Variants in INO80 observed in about 807,000 individuals in gnomAD.
The protein encoded by INO80 is INO80 complex ATPase subunit, also known as chromatin-remodeling ATPase INO80.
Under a neutral mutation model 203.4 loss-of-function variants are expected in INO80, and 20 were observed. The observed-to-expected ratio is 0.10, with a 90% confidence interval of 0.07 to 0.14. The LOEUF is 0.14. Ranked by LOEUF, INO80 falls within the 10% of genes least tolerant of loss-of-function variation. INO80 has a pLI of 1.00. For synonymous variants in INO80, 726 were observed against 685.2 expected (o/e 1.06, Z -0.93); for missense variants, 1,419 against 1,914.4 (o/e 0.74, Z 4.83).
chr15:41,003,789 T>G (rs1408505768), intron 28 of INO80, among the ~76,000 whole-genome samples: 1 of 152,206 alleles, frequency 6.6e-6, no homozygotes, highest in African/African-American at 2.4e-5. Flanking sequence ...AAAAACAGTA[T>G]CAGGTGAAAT....
intron 1 of INO80, among the ~76,000 whole-genome samples, chr15:41,101,003 T>A (rs1310061377): frequency 6.6e-5 from 10 of 151,982 alleles, no homozygotes; most frequent in Admixed American, 6.6e-4. Context: ...CTAATTTTTG[T>A]ATTTTTAGTA....
chr15:41,093,368 T>G (rs1011712498), intron 4 of INO80, among the ~76,000 whole-genome samples: 3 of 151,684 alleles, frequency 2.0e-5, no homozygotes, highest in Non-Finnish European at 4.4e-5. Flanking sequence ...GAGGTTGCAG[T>G]GAGCTGAGAT....
rs145418853 is a variant in INO80 at position 41,102,673 on chromosome 15, G to GAA, written c.-43-6322_-43-6321dup. Among the ~76,000 whole-genome samples the GAA allele has an allele frequency of 2.8e-3, 412 of 148,562 alleles. 2 individuals carry two copies. Among genetic ancestry groups the GAA allele is most frequent in the South Asian group, 0.013 (62 of 4,686 alleles). On this transcript the variant is annotated intron_variant, in intron 1 of 35. Coordinates refer to ENST00000648947, the MANE Select transcript of INO80 (RefSeq NM_017553.3). ...GCAACAGAGCAAGACTGTCTCAAAG[G>GAA]AAAAAAAAAGGGTGTATTATAAAAT...
intron 1 of INO80, among the ~76,000 whole-genome samples, chr15:41,101,323 T>C (rs777165005): frequency 6.6e-6 from 1 of 152,164 alleles, no homozygotes; most frequent in Non-Finnish European, 1.5e-5. Flanking sequence ...ACTTGATAAT[T>C]CTCAATAACC....
chr15:41,016,431 T>G (rs998857010), intron 26 of INO80, among the ~76,000 whole-genome samples: 13 of 152,188 alleles, frequency 8.5e-5, no homozygotes, highest in Admixed American at 1.3e-4. Context: ...AAGTGCAGAT[T>G]CCCTGATCAC....
In INO80 at chr15:41,005,703, A is replaced by G. The variant is rs773762390; in HGVS notation, c.3403-16T>C. 3 of 1,384,158 alleles carry G rather than the reference A, an allele frequency of 2.2e-6. No homozygotes were observed. In the South Asian group the frequency reaches 3.5e-5, roughly 16 times the overall value. 85.7% of individuals were successfully genotyped at this position (1,384,158 alleles called of 1,614,324 possible). A position where few individuals can be genotyped will look rare whatever the true frequency, so the allele number is the denominator to read the frequency against. On this transcript the variant is annotated splice_polypyrimidine_tract_variant and intron_variant, in intron 27 of 35. Transcript: ENST00000648947. ...CCATGTATTCCTGCCAACCAGGATA[A>G]AAGGACACAGTAAATCTGATGCAAA...
chr15:41,016,633 T>C (rs116474452), intron 26 of INO80, among the ~76,000 whole-genome samples: 96 of 152,352 alleles, frequency 6.3e-4, no homozygotes, highest in African/African-American at 2.0e-3. Context: ...TCTGAAAGCA[T>C]TGAGAACGTA....
chr15:41,079,902 A>G lies in INO80; in HGVS notation c.930T>C (p.Leu310=), dbSNP rs2045460741. The change falls in exon 9 of 36, where the codon CTT becomes CTC. Residue 310 remains leucine, a splice_region_variant and synonymous_variant. Coordinates refer to ENST00000648947, the MANE Select transcript of INO80 (RefSeq NM_017553.3). ...RNLFLTNSRK[L]AHQCMKEVRR... is the part of the protein sequence containing the mutation. Reference sequence around the variant, plus strand: ...GCACCTCCTTCATGCACTGGTGAGCAAGCTGAAAACAACAACAGCATTACA... The same window carrying G: ...GCACCTCCTTCATGCACTGGTGAGCGAGCTGAAAACAACAACAGCATTACA... The G allele has an allele frequency of 1.2e-6, 2 of 1,613,750 alleles. No individual in the cohort carries two copies. Among genetic ancestry groups the G allele is most frequent in the South Asian group, 2.2e-5 (2 of 91,070 alleles).
chr15:41,091,177 G>A (rs1364499458), intron 5 of INO80, among the ~76,000 whole-genome samples: 2 of 152,132 alleles, frequency 1.3e-5, no homozygotes. Context: ...ACCCGCCTGG[G>A]CCTCCCAAAG....
At chr15:40,984,384 G>T (rs751829400) in intron 32 of INO80, 32 bp from the exon 33 acceptor site, 3 of 1,601,526 alleles carry the variant, frequency 1.9e-6, no homozygotes. Flanking sequence ...TGGAAAACGT[G>T]TGAGGATGCA....
intron 23 of INO80, 92 bp downstream of exon 23, chr15:41,047,316 A>C: frequency 2.5e-6 from 2 of 804,818 alleles, no homozygotes; most frequent in Non-Finnish European, 4.1e-6. Flanking sequence ...CTCTAAGATG[A>C]TATCATATTA....
chr15:41,044,271 C>T (rs1300971771), intron 24 of INO80, among the ~76,000 whole-genome samples: 4 of 152,118 alleles, frequency 2.6e-5, no homozygotes, highest in African/African-American at 7.2e-5. Context: ...GGGTTTTATT[C>T]ATAATAGCCT....
intron 25 of INO80, among the ~76,000 whole-genome samples, chr15:41,025,271 G>A (rs2044358235): frequency 6.6e-6 from 1 of 152,184 alleles, no homozygotes; most frequent in Non-Finnish European, 1.5e-5. Context: ...GTATAGATGG[G>A]GCATGCATGT....
rs767983838 is a variant in INO80 at position 40,987,915 on chromosome 15, G to C, written c.3630C>G (p.Ala1210=). 39 of 1,613,870 alleles carry C rather than the reference G, an allele frequency of 2.4e-5. No individual in the cohort carries two copies. In the African/African-American group the frequency reaches 5.1e-4, roughly 21 times the overall value. The change falls in exon 30 of 36, where the codon GCC becomes GCG. Residue 1210 remains alanine (A), a synonymous_variant. Transcript: ENST00000648947. ...PTVDQQAMDR[A]HRLGQTKQVT... ...CCTGCTTTGTCTGCCCTAAGCGGTG[G>C]GCCCTGTCCATGGCCTGCTGGTCCA...
chr15:41,108,403 C>G (rs2045912396), intron 1 of INO80, among the ~76,000 whole-genome samples: 1 of 151,634 alleles, frequency 6.6e-6, no homozygotes, highest in Non-Finnish European at 1.5e-5. Flanking sequence ...TTCTGGCTAA[C>G]ACCAGTAGAA....
At chr15:40,989,451 CAT>C (rs1252543022) in intron 29 of INO80, among the ~76,000 whole-genome samples, 1 of 152,230 alleles carries the variant, frequency 6.6e-6, no homozygotes, top group African/African-American at 2.4e-5. Flanking sequence ...CCTCATATCT[CAT>C]GTGTTGTCCT....
chr15:41,046,254 T>C (rs1305048066), intron 23 of INO80, among the ~76,000 whole-genome samples: 1 of 134,336 alleles, frequency 7.4e-6, no homozygotes, highest in Admixed American at 7.5e-5. Flanking sequence ...TATATATATA[T>C]ATTCTTGTTC....
At chr15:41,035,607 G>A (rs1596278946) in intron 24 of INO80, among the ~76,000 whole-genome samples, 1 of 151,566 alleles carries the variant, frequency 6.6e-6, no homozygotes, top group African/African-American at 2.4e-5. Flanking sequence ...GGATCACGAG[G>A]TCGGGAGATC....
intron 25 of INO80, among the ~76,000 whole-genome samples, chr15:41,022,604 A>G (rs2044311383): frequency 6.6e-6 from 1 of 152,186 alleles, no homozygotes; most frequent in Admixed American, 6.5e-5. Flanking sequence ...CAGAAAGAGC[A>G]TCATTTACCA....
Sources: gnomAD v4.1 joint callset for allele counts (sites outside exome capture counted in the v4.1 genomes callset) on GRCh38, gnomAD v4.1.1 for gene constraint, MANE v1.5 for transcripts, NCBI Gene and HGNC (gene_info 2026-07-23, HGNC 2026-07-21) for gene names.